Variants in EYS observed in about 807,000 individuals in gnomAD.
The protein encoded by EYS is EGF-like photoreceptor maintenance factor.
EYS carries 250 observed loss-of-function variants against 282.1 expected under a neutral mutation model. That is an observed-to-expected ratio of 0.89 (90% CI 0.80 to 0.98). The LOEUF is 0.98. Ranked by LOEUF, EYS falls within the 50% of genes least tolerant of loss-of-function variation. The pLI is 0.00. For missense variants in EYS, 4,016 were observed against 3,709.0 expected (o/e 1.08, Z -2.15); for synonymous variants, 1,355 against 1,282.9 (o/e 1.06, Z -1.20).
chr6:64,663,831 A>G (rs1353893732), intron 22 of EYS, among the ~76,000 whole-genome samples: 1 of 152,198 alleles, frequency 6.6e-6, no homozygotes, highest in Non-Finnish European at 1.5e-5. Context: ...TCCAAGGAAT[A>G]GAACCTTGGG....
chr6:63,877,807 T>C (rs1244041020), intron 35 of EYS, among the ~76,000 whole-genome samples: 1 of 152,206 alleles, frequency 6.6e-6, no homozygotes, highest in African/African-American at 2.4e-5. Context: ...TGTGCCATGG[T>C]TTTCAGCTCC....
intron 30 of EYS, among the ~76,000 whole-genome samples, chr6:64,241,107 T>TGG (rs1766812488): frequency 6.6e-6 from 1 of 151,138 alleles, no homozygotes; most frequent in Admixed American, 6.6e-5. Context: ...GCCGACTTGG[T>TGG]TGGATAAGCT....
chr6:64,617,291 A>G (rs1767304503), intron 24 of EYS, 127 bp downstream of exon 24: 1 of 666,314 alleles, frequency 1.5e-6, no homozygotes, highest in Non-Finnish European at 2.7e-6. Flanking sequence ...TAGCGTGCAC[A>G]GAGAAGGAGA....
chr6:64,502,948 T>C (rs962817514), intron 26 of EYS, among the ~76,000 whole-genome samples: 1 of 152,200 alleles, frequency 6.6e-6, no homozygotes, highest in Non-Finnish European at 1.5e-5. Flanking sequence ...TTATCAGCAA[T>C]GCAAGTTCTT....
At chr6:65,402,399 G>T in intron 7 of EYS, 79 bp downstream of exon 7, 1 of 1,036,764 alleles carries the variant, frequency 9.6e-7, no homozygotes, top group Non-Finnish European at 1.5e-6. Context: ...GTTAAAACCA[G>T]AACATCATTA....
intron 31 of EYS, among the ~76,000 whole-genome samples, chr6:64,226,748 T>G (rs1288215580): frequency 2.0e-4 from 30 of 152,104 alleles, no homozygotes; most frequent in Non-Finnish European, 4.1e-4. Flanking sequence ...TAAGTCAACG[T>G]TATTAGCTGA....
intron 36 of EYS, among the ~76,000 whole-genome samples, chr6:63,835,868 T>A (rs10944064): frequency 0.13 from 20,313 of 152,044 alleles, 1,723 homozygotes; most frequent in African/African-American, 0.24. Flanking sequence ...AACTTCTTAA[T>A]TCTTAAAACT....
chr6:64,531,476 T>A (rs182484605), intron 26 of EYS, among the ~76,000 whole-genome samples: 2,451 of 150,496 alleles, frequency 0.016, 23 homozygotes, highest in South Asian at 0.036. Flanking sequence ...AAGCTCCGCC[T>A]CCCGGATTCA....
intron 26 of EYS, among the ~76,000 whole-genome samples, chr6:64,453,369 G>T (rs919569567): frequency 1.3e-5 from 2 of 152,212 alleles, no homozygotes; most frequent in South Asian, 4.1e-4. Flanking sequence ...AGGTGCTGGA[G>T]AGGATGTGGA....
chr6:64,652,644 A>G (rs1431366778), intron 22 of EYS, among the ~76,000 whole-genome samples: 1 of 152,200 alleles, frequency 6.6e-6, no homozygotes, highest in Non-Finnish European at 1.5e-5. Context: ...GAGAAAATAA[A>G]TTTGTTTTGT....
intron 12 of EYS, among the ~76,000 whole-genome samples, chr6:65,230,951 C>T (rs183911763): frequency 2.8e-4 from 42 of 150,586 alleles, no homozygotes; most frequent in Non-Finnish European, 5.6e-4. Context: ...ATATTTCATA[C>T]TAGGCTTAAT....
intron 12 of EYS, among the ~76,000 whole-genome samples, chr6:65,195,558 G>A (rs1313114235): frequency 6.6e-6 from 1 of 151,942 alleles, no homozygotes; most frequent in Non-Finnish European, 1.5e-5. Flanking sequence ...TGTGTTAAAT[G>A]GAAAGTAGAT....
intron 12 of EYS, among the ~76,000 whole-genome samples, chr6:65,238,056 A>G (rs1766969960): frequency 6.6e-6 from 1 of 151,954 alleles, no homozygotes; most frequent in Admixed American, 6.6e-5. Context: ...AGGTATATGT[A>G]TATAGATGGA....
At chr6:64,453,610 A>G (rs932512404) in intron 26 of EYS, among the ~76,000 whole-genome samples, 3 of 152,212 alleles carry the variant, frequency 2.0e-5, no homozygotes, top group Non-Finnish European at 2.9e-5. Flanking sequence ...ACCAACCCAA[A>G]TGTCCAACAA....
intron 1 of EYS, among the ~76,000 whole-genome samples, chr6:65,684,663 G>A (rs1355936719): frequency 6.6e-6 from 1 of 151,998 alleles, no homozygotes; most frequent in African/African-American, 2.4e-5. Flanking sequence ...GTAAGGTGAG[G>A]AGAGAAGGGT....
chr6:64,843,039 A>C (rs1765612508), intron 19 of EYS, among the ~76,000 whole-genome samples: 1 of 152,112 alleles, frequency 6.6e-6, no homozygotes, highest in East Asian at 1.9e-4. Flanking sequence ...CAGACCCAGA[A>C]TGCTAGAAGG....
In EYS at chr6:63,832,060, TA is replaced by T. The variant is rs752700637; in HGVS notation, c.7229-25689del. 1.4e-4 allele frequency among the ~76,000 whole-genome samples: 22 copies of T among 152,078 alleles called. No individual in the cohort carries two copies. The South Asian group carries it at 4.6e-3, about 32-fold the overall frequency. Reference sequence around the variant, plus strand: ...CATATCAGGATCTCTGGGATAAATTTAAAGCAGTGTGTAGAGGGAAACTTAT... The same window carrying T: ...CATATCAGGATCTCTGGGATAAATTTAAGCAGTGTGTAGAGGGAAACTTAT... On this transcript the variant is annotated intron_variant, in intron 36 of 42. Transcript: ENST00000503581.
At chr6:64,349,201 T>A (rs1219725147) in intron 29 of EYS, among the ~76,000 whole-genome samples, 2 of 151,358 alleles carry the variant, frequency 1.3e-5, no homozygotes, top group African/African-American at 4.8e-5. Flanking sequence ...TGTATAATAT[T>A]ACTATCAACT....
intron 26 of EYS, among the ~76,000 whole-genome samples, chr6:64,439,642 A>T (rs4404753): frequency 6.6e-6 from 1 of 151,896 alleles, no homozygotes; most frequent in Non-Finnish European, 1.5e-5. Flanking sequence ...AGAAAAGGGC[A>T]CATTTTCTAA....
Sources: gnomAD v4.1 joint callset for allele counts (sites outside exome capture counted in the v4.1 genomes callset) on GRCh38, gnomAD v4.1.1 for gene constraint, MANE v1.5 for transcripts, NCBI Gene and HGNC (gene_info 2026-07-23, HGNC 2026-07-21) for gene names.